Variants in VANGL1 observed in about 807,000 individuals in gnomAD.
The protein encoded by VANGL1 is VANGL planar cell polarity protein 1.
Under a neutral mutation model 48.4 loss-of-function variants are expected in VANGL1, and 18 were observed. The observed-to-expected ratio is 0.37, with a 90% CI of 0.26 to 0.55. VANGL1 has a LOEUF of 0.55. Ranked by LOEUF, VANGL1 falls within the 20% of genes least tolerant of loss-of-function variation. The pLI, the probability that VANGL1 is intolerant of heterozygous loss-of-function variation, is 0.81. For synonymous variants in VANGL1, 257 were observed against 261.8 expected (o/e 0.98, Z 0.18); for missense variants, 667 against 675.8 (o/e 0.99, Z 0.14).
chr1:115,690,033 C>T lies in VANGL1; in HGVS notation c.1315-1086C>T, dbSNP rs931649663. 1.4e-5 allele frequency among the ~76,000 whole-genome samples: 2 copies of T among 139,186 alleles called. 1 individual carries two copies. Among genetic ancestry groups the T allele is most frequent in the Non-Finnish European group, 3.1e-5 (2 of 63,516 alleles). The allele number at this position is 139,186 out of a possible 152,430, so 91.3% of individuals were successfully genotyped here. A position where few individuals can be genotyped will look rare whatever the true frequency, so the allele number is the denominator to read the frequency against. Reference sequence around the variant, plus strand: ...AGTATGTTTCTATCTGTATTACTGGCTCATTTCATTCTTCCTTCCCCTCAT... The same window carrying T: ...AGTATGTTTCTATCTGTATTACTGGTTCATTTCATTCTTCCTTCCCCTCAT... On this transcript the variant is annotated intron_variant, in intron 7 of 7. Transcript: ENST00000355485.
At chr1:115,688,231 A>G (rs1409716839) in intron 7 of VANGL1, among the ~76,000 whole-genome samples, 1 of 138,270 alleles carries the variant, frequency 7.2e-6, no homozygotes, top group Non-Finnish European at 1.6e-5. Flanking sequence ...AGATATAACT[A>G]CAGATATAAC....
At chr1:115,655,189 G>C (rs4440850) in intron 2 of VANGL1, among the ~76,000 whole-genome samples, 9 of 152,106 alleles carry the variant, frequency 5.9e-5, no homozygotes, top group Non-Finnish European at 1.2e-4. Flanking sequence ...GAGAAAGGAC[G>C]GGTCGTGGGT....
chr1:115,677,082 A>T (rs1653194996), intron 4 of VANGL1, among the ~76,000 whole-genome samples: 1 of 152,248 alleles, frequency 6.6e-6, no homozygotes. Flanking sequence ...GCAGACTCAG[A>T]CATGCACAGA....
chr1:115,681,264 A>C (rs560511963), intron 4 of VANGL1, among the ~76,000 whole-genome samples: 4 of 152,160 alleles, frequency 2.6e-5, no homozygotes, highest in Non-Finnish European at 5.9e-5. Flanking sequence ...TTTGCTGTCT[A>C]TACTCATTTC....
At chr1:115,666,923 C>T (rs536262144) in intron 4 of VANGL1, among the ~76,000 whole-genome samples, 27 of 152,292 alleles carry the variant, frequency 1.8e-4, no homozygotes, top group African/African-American at 5.5e-4. Context: ...GGTCACCTGC[C>T]GATCCTTGGG....
intron 4 of VANGL1, among the ~76,000 whole-genome samples, chr1:115,666,315 G>A (rs1652786717): frequency 1.3e-5 from 2 of 152,158 alleles, no homozygotes; most frequent in African/African-American, 2.4e-5. Context: ...CTCCCACATC[G>A]CTCCTCCCTG....
intron 4 of VANGL1, among the ~76,000 whole-genome samples, chr1:115,680,031 G>GTGTGTGTGTGT: frequency 6.9e-6 from 1 of 144,066 alleles, no homozygotes; most frequent in East Asian, 2.1e-4. Flanking sequence ...GTATGTGAGA[G>GTGTGTGTGTGT]AGAGAGAGAG....
intron 7 of VANGL1, among the ~76,000 whole-genome samples, chr1:115,685,845 C>G (rs1238332187): frequency 1.3e-5 from 2 of 152,044 alleles, no homozygotes; most frequent in Non-Finnish European, 2.9e-5. Flanking sequence ...TTCATTCTAA[C>G]CTGGCTCCTC....
chr1:115,687,938 G>GTAGA (rs71096827), intron 7 of VANGL1, among the ~76,000 whole-genome samples: 16,852 of 112,532 alleles, frequency 0.15, 2,930 homozygotes, highest in Non-Finnish European at 0.16. Context: ...CATTCATTAG[G>GTAGA]TAGATAGATA....
At chr1:115,650,830 G>C (rs1652112162) in intron 1 of VANGL1, among the ~76,000 whole-genome samples, 1 of 151,084 alleles carries the variant, frequency 6.6e-6, no homozygotes, top group Non-Finnish European at 1.5e-5. Flanking sequence ...AGATCAAAAA[G>C]ATTGAAGATC....
chr1:115,684,905 C>T (rs1479830443), intron 6 of VANGL1, among the ~76,000 whole-genome samples: 1 of 152,202 alleles, frequency 6.6e-6, no homozygotes, highest in Non-Finnish European at 1.5e-5. Context: ...TCTGCACCAC[C>T]AGCCACCTCT....
rs1225027124 is a variant in VANGL1 at position 115,691,159 on chromosome 1, A to C, written c.1355A>C (p.Gln452Pro). 1.2e-6 allele frequency: 2 copies of C among 1,614,140 alleles called. No homozygotes were observed. Among genetic ancestry groups the C allele is most frequent in the Non-Finnish European group, 8.5e-7 (1 of 1,180,026 alleles). The change falls in exon 8 of 8, where the codon CAA becomes CCA. Residue 452 changes from glutamine (Q) to proline (P), a missense_variant. By Grantham distance (76) the Gln-to-Pro change is moderately conservative (BLOSUM62 -1). Coordinates refer to ENST00000355485, the MANE Select transcript of VANGL1 (RefSeq NM_138959.3). Reference protein sequence around the residue: ...ERYLSAGPTLQYDKDRWLSTQ... With the variant: ...ERYLSAGPTLPYDKDRWLSTQ... Reference sequence around the variant, plus strand: ...TACCTCAGTGCGGGCCCCACCCTGCAATATGACAAGGACCGCTGGCTCTCT... The same window carrying C: ...TACCTCAGTGCGGGCCCCACCCTGCCATATGACAAGGACCGCTGGCTCTCT...
At chr1:115,690,997 C>G in intron 7 of VANGL1, 122 bp from the exon 8 acceptor site, 12 of 1,350,930 alleles carry the variant, frequency 8.9e-6, no homozygotes, top group South Asian at 1.3e-5. Context: ...GAGCTGGGCT[C>G]TGGTCTAAGC....
At position 115,691,111 on chromosome 1, in the gene VANGL1, G is replaced by A. The variant is rs1460694533; in HGVS notation, c.1315-8G>A. ...TCTTCCCTAATGGCCTTTCTCCTCT[G>A]CTTCCAGGCCTTCCTAGAACGGTAC... is the stretch of plus-strand genomic sequence containing the variant. On this transcript the variant is annotated splice_region_variant and splice_polypyrimidine_tract_variant and intron_variant, in intron 7 of 7. Transcript: ENST00000355485. 3 of 1,613,986 alleles carry A rather than the reference G, an allele frequency of 1.9e-6. No individual in the cohort carries two copies. In the Admixed American group the frequency reaches 5.0e-5, roughly 27 times the overall value.
intron 2 of VANGL1, among the ~76,000 whole-genome samples, chr1:115,652,539 C>A (rs1050407009): frequency 4.6e-5 from 7 of 152,188 alleles, no homozygotes; most frequent in African/African-American, 1.7e-4. Flanking sequence ...ACAGTACAGG[C>A]TGGAGGTCAG....
At chr1:115,685,038 G>A (rs1653542921) in intron 6 of VANGL1, among the ~76,000 whole-genome samples, 1 of 152,198 alleles carries the variant, frequency 6.6e-6, no homozygotes, top group African/African-American at 2.4e-5. Context: ...ATTCAGAACA[G>A]AGTTCATCTC....
intron 3 of VANGL1, among the ~76,000 whole-genome samples, chr1:115,660,347 G>T (rs933140300): frequency 6.6e-6 from 1 of 152,178 alleles, no homozygotes; most frequent in Non-Finnish European, 1.5e-5. Context: ...GCTAACTGGA[G>T]AATGCATTTC....
At chr1:115,642,215 C>A (rs958685944) in intron 1 of VANGL1, 129 bp downstream of exon 1, 4 of 152,236 alleles carry the variant, frequency 2.6e-5, no homozygotes, top group Admixed American at 2.6e-4. Flanking sequence ...CGCCGGACTT[C>A]GACCCCGGGT....
intron 7 of VANGL1, among the ~76,000 whole-genome samples, chr1:115,686,824 G>T (rs951523374): frequency 3.3e-5 from 5 of 152,130 alleles, no homozygotes; most frequent in Non-Finnish European, 5.9e-5. Context: ...AGCACATCAC[G>T]TGAATTAACT....
Sources: allele counts gnomAD v4.1 joint callset (sites outside exome capture counted in the v4.1 genomes callset), GRCh38; gene constraint gnomAD v4.1.1; transcripts MANE v1.5; gene names NCBI Gene and HGNC (gene_info 2026-07-23, HGNC 2026-07-21).